ARHGAP21: variants seen among roughly 807,000 people sequenced by gnomAD.
The protein encoded by ARHGAP21 is rho GTPase-activating protein 21.
In ARHGAP21, 38 loss-of-function variants were observed where a neutral mutation model predicts 164.6. The observed-to-expected ratio is 0.23, with a 90% CI of 0.18 to 0.30. The LOEUF is 0.30. ARHGAP21 is among the 10% of genes least tolerant of loss of function. ARHGAP21 has a pLI of 1.00. For synonymous variants in ARHGAP21, 766 were observed against 857.9 expected, an observed-to-expected ratio of 0.89 and a Z score of 1.87; for missense variants, 1,822 against 2,370.7, an observed-to-expected ratio of 0.77 and a Z score of 4.81.
Position 24,596,258 on chromosome 10 carries a change from A to AC in ARHGAP21, c.3478-216dup, listed in dbSNP as rs796240252. On this transcript the variant is annotated intron_variant, in intron 17 of 25. Coordinates refer to ENST00000396432, the MANE Select transcript of ARHGAP21 (RefSeq NM_020824.4). Reference sequence around the variant, plus strand: ...CAAAGAGACTGAAAGAAAGAGAGGGACCCCCAGAGAGATAACATTCTAAAA... The same window carrying AC: ...CAAAGAGACTGAAAGAAAGAGAGGGACCCCCCAGAGAGATAACATTCTAAAA... 3 of 458,532 alleles carry AC rather than the reference A, an allele frequency of 6.5e-6. No homozygotes were observed. The South Asian group carries it at 1.5e-4, about 23-fold the overall frequency. 28.4% of individuals were successfully genotyped at this position (458,532 alleles called of 1,614,324 possible).
At chr10:24,678,697 T>C (rs1432251564) in intron 2 of ARHGAP21, among the ~76,000 whole-genome samples, 1 of 152,062 alleles carries the variant, frequency 6.6e-6, no homozygotes, top group Non-Finnish European at 1.5e-5. Context: ...TTTTTGTTTG[T>C]TTGTTTGTTT....
At chr10:24,685,639 G>A (rs941771757) in intron 2 of ARHGAP21, among the ~76,000 whole-genome samples, 1 of 152,144 alleles carries the variant, frequency 6.6e-6, no homozygotes, top group Non-Finnish European at 1.5e-5. Context: ...ACTTTGGGAG[G>A]CCGAGGTGGG....
Position 24,651,347 on chromosome 10 carries a change from T to C in ARHGAP21, c.268+15638A>G, listed in dbSNP as rs577841925. On this transcript the variant is annotated intron_variant, in intron 4 of 25. Coordinates refer to ENST00000396432, the MANE Select transcript of ARHGAP21 (RefSeq NM_020824.4). ...GGCCCTTCCTACCAATTCTTTCCTT[T>C]CCTCTCTTCTTTCACAGGGGTCAGG... Among the ~76,000 whole-genome samples the C allele has an allele frequency of 7.2e-5, 11 of 152,316 alleles. No individual in the cohort carries two copies. The East Asian group carries it at 1.9e-3, about 27-fold the overall frequency.
intron 2 of ARHGAP21, among the ~76,000 whole-genome samples, chr10:24,714,847 G>A (rs1321076559): frequency 2.0e-5 from 3 of 151,858 alleles, no homozygotes; most frequent in Non-Finnish European, 4.4e-5. Flanking sequence ...ATCCTAACAC[G>A]GTGAAACCCC....
intron 2 of ARHGAP21, among the ~76,000 whole-genome samples, chr10:24,709,194 TCAAGGTTGAAC>T (rs1844536997): frequency 6.6e-6 from 1 of 151,896 alleles, no homozygotes; most frequent in Non-Finnish European, 1.5e-5. Context: ...ATACAACCAC[TCAAGGTTGAAC>T]CAAGAAGAAA....
At chr10:24,637,457 A>C (rs911988215) in intron 4 of ARHGAP21, among the ~76,000 whole-genome samples, 17 of 152,218 alleles carry the variant, frequency 1.1e-4, no homozygotes, top group African/African-American at 3.9e-4. Flanking sequence ...GGAAAGATTT[A>C]TATAATAAAA....
intron 9 of ARHGAP21, among the ~76,000 whole-genome samples, chr10:24,611,447 T>C (rs1235321249): frequency 6.6e-6 from 1 of 152,178 alleles, no homozygotes; most frequent in African/African-American, 2.4e-5. Flanking sequence ...CTCATGCCTG[T>C]AATCCTAGCA....
At chr10:24,603,268 G>A (rs1202740126) in intron 12 of ARHGAP21, among the ~76,000 whole-genome samples, 1 of 152,104 alleles carries the variant, frequency 6.6e-6, no homozygotes, top group Non-Finnish European at 1.5e-5. Context: ...GTGGCAAGAT[G>A]GAAGCCAGCA....
intron 2 of ARHGAP21, among the ~76,000 whole-genome samples, chr10:24,695,084 A>C (rs1231068005): frequency 6.9e-5 from 10 of 144,348 alleles, no homozygotes; most frequent in Non-Finnish European, 1.5e-4. Context: ...AAAAAAAAAA[A>C]AAAAAAAAAA....
At chr10:24,587,590 T>A (rs1281026988) in intron 25 of ARHGAP21, among the ~76,000 whole-genome samples, 1 of 152,214 alleles carries the variant, frequency 6.6e-6, no homozygotes, top group Non-Finnish European at 1.5e-5. Context: ...CCAGCACATT[T>A]CTAATGGTTA....
chr10:24,599,413 T>G (rs2076718470), intron 14 of ARHGAP21, among the ~76,000 whole-genome samples: 1 of 152,194 alleles, frequency 6.6e-6, no homozygotes, highest in Non-Finnish European at 1.5e-5. Context: ...CTGATAAAGA[T>G]CTGGTGTTAT....
chr10:24,689,859 T>G (rs1398661746), intron 2 of ARHGAP21, among the ~76,000 whole-genome samples: 1 of 148,464 alleles, frequency 6.7e-6, no homozygotes, highest in African/African-American at 2.5e-5. Flanking sequence ...TATATGTATA[T>G]GTATGTGTAT....
chr10:24,586,711 G>A (rs894620537), intron 25 of ARHGAP21, among the ~76,000 whole-genome samples: 1 of 152,092 alleles, frequency 6.6e-6, no homozygotes, highest in Non-Finnish European at 1.5e-5. Flanking sequence ...AAATCAGGTT[G>A]GTAATGTCTT....
At chr10:24,682,161 A>G (rs539895726) in intron 2 of ARHGAP21, among the ~76,000 whole-genome samples, 2 of 152,318 alleles carry the variant, frequency 1.3e-5, no homozygotes, top group South Asian at 4.1e-4. Context: ...GGCTTATATC[A>G]AAAACGTATT....
intron 2 of ARHGAP21, among the ~76,000 whole-genome samples, chr10:24,677,871 A>G (rs1010596009): frequency 2.0e-5 from 3 of 152,244 alleles, no homozygotes; most frequent in African/African-American, 7.2e-5. Flanking sequence ...TCCACAGAGT[A>G]GATACACGGA....
At chr10:24,689,519 C>T (rs965444282) in intron 2 of ARHGAP21, among the ~76,000 whole-genome samples, 2 of 152,030 alleles carry the variant, frequency 1.3e-5, no homozygotes, top group African/African-American at 4.8e-5. Flanking sequence ...GTGGGCGGAT[C>T]GCCAGAGCCC....
At position 24,590,621 on chromosome 10, in the gene ARHGAP21, T is replaced by G. The variant is rs1592926812; in HGVS notation, c.4150+604A>C. Reference sequence around the variant, plus strand: ...GTGCAACAGTTTGGCAGGAGAAAGTTTTCATCAAAAGAGCCTAGAAGAACT... The same window carrying G: ...GTGCAACAGTTTGGCAGGAGAAAGTGTTCATCAAAAGAGCCTAGAAGAACT... On this transcript the variant is annotated intron_variant, in intron 24 of 25. Transcript: ENST00000396432. 4 of 1,397,916 alleles carry G rather than the reference T, an allele frequency of 2.9e-6. No homozygotes were observed. In the East Asian group the frequency reaches 1.0e-4, roughly 36 times the overall value. 86.6% of individuals were successfully genotyped at this position (1,397,916 alleles called of 1,614,324 possible).
intron 17 of ARHGAP21, 41 bp from the exon 18 acceptor site, chr10:24,596,084 A>G (rs746392238): frequency 6.6e-7 from 1 of 1,505,764 alleles, no homozygotes; most frequent in South Asian, 1.3e-5. Context: ...ATGCAGCACA[A>G]ATGTTTAGTA....
intron 4 of ARHGAP21, among the ~76,000 whole-genome samples, chr10:24,653,517 G>C (rs1204346522): frequency 6.6e-6 from 1 of 151,924 alleles, no homozygotes; most frequent in Non-Finnish European, 1.5e-5. Context: ...AGCTTGCAGT[G>C]AGCTGAGATC....
Sources: gnomAD v4.1 joint callset for allele counts (sites outside exome capture counted in the v4.1 genomes callset) on GRCh38, gnomAD v4.1.1 for gene constraint, MANE v1.5 for transcripts, NCBI Gene and HGNC (gene_info 2026-07-23, HGNC 2026-07-21) for gene names.